PCDH7: variants seen among roughly 807,000 people sequenced by gnomAD.
The protein encoded by PCDH7 is protocadherin 7, also known as protocadherin-7.
PCDH7 carries 17 observed loss-of-function variants against 58.9 expected under a neutral mutation model. The ratio of observed to expected loss-of-function variants is 0.29; its 90% CI spans 0.20 to 0.43. PCDH7 has a LOEUF of 0.43. PCDH7 is among the 20% of genes least tolerant of loss of function. The pLI, the probability that PCDH7 is intolerant of heterozygous loss-of-function variation, is 1.00. For missense variants in PCDH7, 1,274 were observed against 1,441.0 expected (o/e 0.88, Z 1.88); for synonymous variants, 664 against 616.4 (o/e 1.08, Z -1.14).
chr4:30,920,207 G>T, exon 2 of PCDH7: 1 of 1,367,682 alleles, frequency 7.3e-7, no homozygotes, highest in Non-Finnish European at 9.8e-7. Context: ...CCCACATCAG[G>T]GGTCACTGCA....
Position 30,722,430 on chromosome 4 carries a change from C to T in PCDH7, c.1008C>T (p.Asp336=), listed in dbSNP as rs2109225462. 1 of 1,612,416 alleles carries T rather than the reference C, an allele frequency of 6.2e-7. No individual in the cohort carries two copies. The highest frequency in any genetic ancestry group is 8.5e-7 in the Non-Finnish European group (1 of 1,179,800). The change falls in exon 1 of 2, where the codon GAC becomes GAT. Residue 336 remains aspartate, a synonymous_variant. Coordinates refer to ENST00000361762, the Ensembl canonical transcript of PCDH7. The surrounding 1 kb of genome is among the most constrained non-coding windows in gnomAD (Gnocchi z 7.6). ...TGCAACTGCGCGCAGCCGACTTGGA[C>T]GTGGGGGTCAACGGGCAGATCGAAT...
At chr4:30,926,879 A>T (rs1328380002) in intron 2 of PCDH7, among the ~76,000 whole-genome samples, 1 of 152,206 alleles carries the variant, frequency 6.6e-6, no homozygotes, top group Non-Finnish European at 1.5e-5. Context: ...ATTCACATTA[A>T]CAGGGAAAAT....
Position 30,725,196 on chromosome 4 carries a change from T to C in PCDH7, c.3174+600T>C, listed in dbSNP as rs1714439362. ...CTGATATGCAAATGTCATGCAAAAC[T>C]CCACTTTCAATCTTTTATATCTATA... On this transcript the variant is annotated intron_variant, in intron 1 of 1. Coordinates refer to ENST00000361762, the Ensembl canonical transcript of PCDH7. The C allele has an allele frequency of 6.0e-6, 6 of 999,340 alleles. No individual in the cohort carries two copies. In the South Asian group the frequency reaches 1.9e-4, roughly 31 times the overall value. The allele number at this position is 999,340 out of a possible 1,614,324, so 61.9% of individuals were successfully genotyped here.
At chr4:30,853,861 T>A (rs942622403) in intron 1 of PCDH7, among the ~76,000 whole-genome samples, 1 of 152,058 alleles carries the variant, frequency 6.6e-6, no homozygotes, top group African/African-American at 2.4e-5. Context: ...ATTTTCCCTC[T>A]GAGTAGATAT....
intron 1 of PCDH7, among the ~76,000 whole-genome samples, chr4:30,746,385 T>C (rs897825416): frequency 2.6e-5 from 4 of 152,110 alleles, no homozygotes; most frequent in Non-Finnish European, 5.9e-5. Context: ...GAATTAGCTT[T>C]GGTTGTAAGG....
intron 3 of PCDH7, among the ~76,000 whole-genome samples, chr4:30,966,025 T>A (rs1487866080): frequency 6.6e-6 from 1 of 152,164 alleles, no homozygotes; most frequent in Non-Finnish European, 1.5e-5. Context: ...TTTAGGTAGA[T>A]AACCTGGCCT....
At chr4:30,724,237 A>G in exon 1 of PCDH7, 1 of 1,613,558 alleles carries the variant, frequency 6.2e-7, no homozygotes, top group Admixed American at 1.7e-5. Context: ...AAAGGACAAG[A>G]AAAACAAAAA....
chr4:31,142,451 G>T (rs779579937), intron 3 of PCDH7, 22 bp from the exon 3 acceptor site: 3 of 1,360,054 alleles, frequency 2.2e-6, no homozygotes, highest in East Asian at 4.6e-5. Context: ...AATACTAATG[G>T]CTTATTCTCC....
At chr4:30,858,760 T>C (rs1274622268) in intron 1 of PCDH7, among the ~76,000 whole-genome samples, 2 of 152,170 alleles carry the variant, frequency 1.3e-5, no homozygotes, top group African/African-American at 4.8e-5. Flanking sequence ...CCCTTGAGCA[T>C]TTAGTTCTTC....
intron 1 of PCDH7, among the ~76,000 whole-genome samples, chr4:30,890,994 G>A (rs145723548): frequency 1.2e-3 from 183 of 151,896 alleles, no homozygotes; most frequent in African/African-American, 4.2e-3. Flanking sequence ...GCTCAAACTA[G>A]ATGCTCCATA....
chr4:30,993,967 G>A (rs2109127603), intron 3 of PCDH7, among the ~76,000 whole-genome samples: 1 of 152,236 alleles, frequency 6.6e-6, no homozygotes, highest in African/African-American at 2.4e-5. Flanking sequence ...TGCTAAGTTG[G>A]TAACTAGTTG....
At chr4:31,002,961 G>T (rs1426400813) in intron 3 of PCDH7, among the ~76,000 whole-genome samples, 2 of 152,122 alleles carry the variant, frequency 1.3e-5, no homozygotes, top group African/African-American at 4.8e-5. Flanking sequence ...CTAAACTTTA[G>T]CTCTGAGTAG....
At chr4:31,066,122 A>G (rs1225184944) in intron 3 of PCDH7, among the ~76,000 whole-genome samples, 1 of 151,870 alleles carries the variant, frequency 6.6e-6, no homozygotes, top group Admixed American at 6.6e-5. Context: ...TTCACTGGAC[A>G]TCTAGTTCAA....
At chr4:30,812,725 C>T (rs1289437754) in intron 1 of PCDH7, among the ~76,000 whole-genome samples, 2 of 151,916 alleles carry the variant, frequency 1.3e-5, no homozygotes, top group Admixed American at 6.6e-5. Flanking sequence ...TCTATTTTTC[C>T]CCTTTGTATA....
intron 3 of PCDH7, among the ~76,000 whole-genome samples, chr4:31,134,955 CA>C (rs1719418547): frequency 6.6e-6 from 1 of 152,132 alleles, no homozygotes; most frequent in Non-Finnish European, 1.5e-5. Context: ...AGTCCAGCTT[CA>C]AGGGATGCAA....
chr4:31,111,929 A>G (rs747121084), intron 3 of PCDH7, among the ~76,000 whole-genome samples: 25 of 152,228 alleles, frequency 1.6e-4, no homozygotes, highest in Non-Finnish European at 3.4e-4. Context: ...GATTTGAGCA[A>G]GCTACTTAAT....
In PCDH7 at chr4:30,940,105, C is replaced by A. The variant is rs532948369; in HGVS notation, c.288-10015C>A. 9.0e-4 allele frequency among the ~76,000 whole-genome samples: 130 copies of A among 144,774 alleles called. No homozygotes were observed. The Middle Eastern group carries it at 0.017, about 19-fold the overall frequency. 95.0% of individuals were successfully genotyped at this position (144,774 alleles called of 152,430 possible). ...TGTGGTAGGCAAAAAAACAAACAAACAAAAAAAAAACCTCAGGGTTATACT... is the reference window on the plus strand; with the variant it reads ...TGTGGTAGGCAAAAAAACAAACAAAAAAAAAAAAAACCTCAGGGTTATACT... On this transcript the variant is annotated intron_variant, in intron 2 of 3. Coordinates refer to the PCDH7 transcript ENST00000509759.
intron 3 of PCDH7, among the ~76,000 whole-genome samples, chr4:31,081,606 A>T (rs1409018961): frequency 2.0e-5 from 3 of 152,172 alleles, no homozygotes; most frequent in Middle Eastern, 3.4e-3. Flanking sequence ...CCTTTACATG[A>T]GTTTTGGCCA....
intron 1 of PCDH7, among the ~76,000 whole-genome samples, chr4:30,791,859 A>G (rs1170683428): frequency 1.3e-5 from 2 of 152,236 alleles, no homozygotes; most frequent in Non-Finnish European, 2.9e-5. Flanking sequence ...TCATAAGGGT[A>G]TATACAAGTT....
Sources: gnomAD v4.1 joint callset for allele counts (sites outside exome capture counted in the v4.1 genomes callset) on GRCh38, gnomAD v4.1.1 for gene constraint, Gnocchi (gnomAD v3.1) non-coding constraint, MANE v1.5 for transcripts, NCBI Gene and HGNC (gene_info 2026-07-23, HGNC 2026-07-21) for gene names.